Variants in DNAJC24 observed in about 807,000 individuals in gnomAD.
DNAJC24 encodes dnaJ homolog subfamily C member 24.
Under a neutral mutation model 18.0 loss-of-function variants are expected in DNAJC24, and 17 were observed. That is an observed-to-expected ratio of 0.94 (90% CI 0.65 to 1.42). The LOEUF (loss-of-function observed/expected upper bound fraction) is 1.42. Ranked by LOEUF, DNAJC24 falls within the 40% of genes most tolerant of loss-of-function variation. DNAJC24 has a pLI of 0.00. For synonymous variants in DNAJC24, 55 were observed against 57.7 expected (o/e 0.95, Z 0.21); for missense variants, 158 against 175.6 (o/e 0.90, Z 0.57).
chr11:31,403,803 C>CAGA (rs1952626329), intron 2 of DNAJC24, among the ~76,000 whole-genome samples: 1 of 152,078 alleles, frequency 6.6e-6, no homozygotes, highest in Non-Finnish European at 1.5e-5. Context: ...GGTCTCAATC[C>CAGA]AGACCCCAAG....
chr11:31,404,498 A>G lies in DNAJC24; in HGVS notation c.112-10313A>G, dbSNP rs532452595. ...TATTTGCAAGCTGGGGGTGGAAAGCAGCAGACCCCAGAGAGGAATGCCTGT... is the reference window on the plus strand; with the variant it reads ...TATTTGCAAGCTGGGGGTGGAAAGCGGCAGACCCCAGAGAGGAATGCCTGT... On this transcript the variant is annotated intron_variant, in intron 2 of 4. Transcript: ENST00000465995. Among the ~76,000 whole-genome samples, 35 of 152,322 alleles carry G rather than the reference A, an allele frequency of 2.3e-4. 1 individual carries two copies. In the South Asian group the frequency reaches 7.1e-3, roughly 31 times the overall value.
rs530361886 is a variant in DNAJC24, at chr11:31,401,542, C to G, written c.112-13269C>G. ...TCCTCCTGCTTCCCCTCCGCCCCCC[C>G]ACTTCCTCCTCTGTTTTTCTCTTTT... is the stretch of plus-strand genomic sequence containing the variant. On this transcript the variant is annotated intron_variant, in intron 2 of 4. Transcript: ENST00000465995. 6.6e-5 allele frequency among the ~76,000 whole-genome samples: 10 copies of G among 152,104 alleles called. No individual in the cohort carries two copies. In the South Asian group the frequency reaches 8.3e-4, roughly 13 times the overall value.
chr11:31,430,197 T>G, intron 4 of DNAJC24, 74 bp from the exon 5 acceptor site: 1 of 1,329,170 alleles, frequency 7.5e-7, no homozygotes. Context: ...TGGAATAAAC[T>G]CTGCACCTTT....
At chr11:31,426,248 C>A in intron 3 of DNAJC24, 39 bp from the exon 4 acceptor site, 1 of 1,271,784 alleles carries the variant, frequency 7.9e-7, no homozygotes, top group South Asian at 1.3e-5. Context: ...ATTAAAGTAT[C>A]ATGTTTTACA....
intron 3 of DNAJC24, among the ~76,000 whole-genome samples, chr11:31,423,458 AC>A (rs1182343408): frequency 6.6e-6 from 1 of 151,988 alleles, no homozygotes; most frequent in Non-Finnish European, 1.5e-5. Context: ...ATGGGGTTTC[AC>A]CATATTGGTC....
rs1242804400 is a variant in DNAJC24 at position 31,431,716 on chromosome 11, G to C, written c.*1315G>C. 1 of 151,824 alleles carries C rather than the reference G, an allele frequency of 6.6e-6. No individual in the cohort carries two copies. The highest frequency in any genetic ancestry group is 1.5e-5 in the Non-Finnish European group (1 of 68,010). 9.4% of individuals were successfully genotyped at this position (151,824 alleles called of 1,614,324 possible). ...TGCCTGTGGTCCCAGCTACTCGGGA[G>C]GCTGAGGCACAAGAATCACTTGAAC... On this transcript the variant is annotated 3_prime_UTR_variant, in exon 5 of 5. Coordinates refer to ENST00000465995, the MANE Select transcript of DNAJC24 (RefSeq NM_181706.5).
In DNAJC24 at chr11:31,430,497, C is replaced by T; in HGVS notation, c.*96C>T. ...TTCAAGGAAATGGATTATTTGTCAG[C>T]CCGATTATTTGCAAAGAAAATATAC... On this transcript the variant is annotated 3_prime_UTR_variant, in exon 5 of 5. Coordinates refer to ENST00000465995, the MANE Select transcript of DNAJC24 (RefSeq NM_181706.5). The T allele has an allele frequency of 8.9e-7, 1 of 1,122,490 alleles. No homozygotes were observed. Among genetic ancestry groups the T allele is most frequent in the Non-Finnish European group, 1.2e-6 (1 of 830,960 alleles). 69.5% of individuals were successfully genotyped at this position (1,122,490 alleles called of 1,614,324 possible). A position where few individuals can be genotyped will look rare whatever the true frequency, so the allele number is the denominator to read the frequency against.
At position 31,430,748 on chromosome 11, in the gene DNAJC24, TTTA is replaced by T. The variant is rs1164664299; in HGVS notation, c.*349_*351del. ...GTGGGTAACAGTATCATCATATTCC[TTTA>T]TAGTTACTAAGTTTCTGGTCTAACC... On this transcript the variant is annotated 3_prime_UTR_variant, in exon 5 of 5. Transcript: ENST00000465995. 1 of 153,692 alleles carries T rather than the reference TTTA, an allele frequency of 6.5e-6. No homozygotes were observed. The highest frequency in any genetic ancestry group is 1.5e-5 in the Non-Finnish European group (1 of 68,854). The allele number at this position is 153,692 out of a possible 1,614,324, so 9.5% of individuals were successfully genotyped here. A position where few individuals can be genotyped will look rare whatever the true frequency, so the allele number is the denominator to read the frequency against.
At position 31,391,275 on chromosome 11, in the gene DNAJC24, T is replaced by C. The variant is rs867891245; in HGVS notation, c.111+20416T>C. 2.0e-5 allele frequency among the ~76,000 whole-genome samples: 3 copies of C among 152,304 alleles called. No homozygotes were observed. In the South Asian group the frequency reaches 6.2e-4, roughly 32 times the overall value. On this transcript the variant is annotated intron_variant, in intron 2 of 4. Transcript: ENST00000465995. ...TGAATAGGGAAAAACTGAAAGGCTT[T>C]CCTCTAAGATCTGGAACATGACAAA...
intron 2 of DNAJC24, among the ~76,000 whole-genome samples, chr11:31,378,621 A>T (rs537364404): frequency 3.9e-5 from 6 of 152,154 alleles, no homozygotes; most frequent in African/African-American, 9.6e-5. Flanking sequence ...AAACTGTATT[A>T]AAAAAAAGCA....
At chr11:31,422,602 TTTA>T (rs2133503259) in intron 3 of DNAJC24, among the ~76,000 whole-genome samples, 1 of 152,326 alleles carries the variant, frequency 6.6e-6, no homozygotes, top group African/African-American at 2.4e-5. Flanking sequence ...ATTAAAATGT[TTTA>T]TTACAAGAGA....
chr11:31,396,164 T>A, intron 2 of DNAJC24: 1 of 368,498 alleles, frequency 2.7e-6, no homozygotes, highest in Non-Finnish European at 5.4e-6. Flanking sequence ...GTGGATTTAC[T>A]GTGACATCTG....
In DNAJC24 at chr11:31,429,545, C is replaced by T. The variant is rs749257549; in HGVS notation, c.320-726C>T. 31 of 372,724 alleles carry T rather than the reference C, an allele frequency of 8.3e-5. 1 individual carries two copies. The Middle Eastern group carries it at 4.8e-3, about 57-fold the overall frequency. The allele number at this position is 372,724 out of a possible 1,614,324, so 23.1% of individuals were successfully genotyped here. A position where few individuals can be genotyped will look rare whatever the true frequency, so the allele number is the denominator to read the frequency against. ...ATCAGAGATTCTTTAAGTCAAAGGG[C>T]ACAAGCATTTCAACTTCCCAGGAAA... On this transcript the variant is annotated intron_variant, in intron 4 of 4. Transcript: ENST00000465995.
chr11:31,411,658 CTG>C (rs1344240168), intron 2 of DNAJC24, among the ~76,000 whole-genome samples: 1 of 152,200 alleles, frequency 6.6e-6, no homozygotes, highest in African/African-American at 2.4e-5. Flanking sequence ...ACCGTCTCTT[CTG>C]TGTGTCAGCT....
chr11:31,379,240 T>C (rs1952350423), intron 2 of DNAJC24, among the ~76,000 whole-genome samples: 1 of 152,152 alleles, frequency 6.6e-6, no homozygotes, highest in South Asian at 2.1e-4. Context: ...CCACCTGAGC[T>C]CTGCATCCTG....
chr11:31,427,020 T>C (rs1322221236), intron 4 of DNAJC24: 1 of 152,170 alleles, frequency 6.6e-6, no homozygotes, highest in East Asian at 1.9e-4. Flanking sequence ...AAACACACTT[T>C]ACTAAACAGA....
intron 1 of DNAJC24, among the ~76,000 whole-genome samples, chr11:31,370,177 G>A (rs1952202291): frequency 6.6e-6 from 1 of 152,162 alleles, no homozygotes; most frequent in Admixed American, 6.5e-5. Context: ...TCCAATAACA[G>A]GGGACTCTTG....
chr11:31,424,075 T>A (rs908960531), intron 3 of DNAJC24, among the ~76,000 whole-genome samples: 1 of 152,176 alleles, frequency 6.6e-6, no homozygotes, highest in African/African-American at 2.4e-5. Flanking sequence ...AGATTGGCAG[T>A]TGTATTTGCA....
rs1335202520 is a variant in DNAJC24 at position 31,430,668 on chromosome 11, T to A, written c.*267T>A. On this transcript the variant is annotated 3_prime_UTR_variant, in exon 5 of 5. Coordinates refer to ENST00000465995, the MANE Select transcript of DNAJC24 (RefSeq NM_181706.5). ...ATCTGAGAACTTTATTATGTCATTT[T>A]TTTCCATGACACAAAATAAGAATTT... The A allele has an allele frequency of 5.1e-5, 9 of 174,832 alleles. No homozygotes were observed. The East Asian group carries it at 1.0e-3, about 20-fold the overall frequency. The allele number at this position is 174,832 out of a possible 1,614,324, so 10.8% of individuals were successfully genotyped here.
Sources: gnomAD v4.1 joint callset for allele counts (sites outside exome capture counted in the v4.1 genomes callset) on GRCh38, gnomAD v4.1.1 for gene constraint, MANE v1.5 for transcripts, NCBI Gene and HGNC (gene_info 2026-07-23, HGNC 2026-07-21) for gene names.